The following UACA variants were observed in gnomAD, a reference collection of about 807,000 sequenced individuals.
UACA encodes the protein uveal autoantigen with coiled-coil domains and ankyrin repeats.
In UACA, 112 loss-of-function variants were observed where a neutral mutation model predicts 160.5. That is an observed-to-expected ratio of 0.70 (90% CI 0.60 to 0.82). The LOEUF is 0.82. Among genes scored for constraint, UACA ranks in the 40% least tolerant of loss-of-function variants. The pLI, the probability that UACA is intolerant of heterozygous loss-of-function variation, is 0.00. For missense variants in UACA, 1,574 were observed against 1,614.6 expected, an observed-to-expected ratio of 0.97 and a Z score of 0.43; for synonymous variants, 557 against 568.4, an observed-to-expected ratio of 0.98 and a Z score of 0.29.
At chr15:70,702,991 T>C (rs770765462) in intron 1 of UACA, 3 of 696,286 alleles carry the variant, frequency 4.3e-6, no homozygotes, top group Non-Finnish European at 6.0e-6. Flanking sequence ...ATTCACTGGA[T>C]GAAAAAAAAA....
chr15:70,683,630 A>G (rs571351755), intron 8 of UACA, among the ~76,000 whole-genome samples: 128 of 152,298 alleles, frequency 8.4e-4, no homozygotes, highest in African/African-American at 2.9e-3. Context: ...GGAATCTCAT[A>G]CACCAACAAA....
Position 70,690,173 on chromosome 15 carries a change from A to T in UACA, c.424+281T>A, listed in dbSNP as rs62016914. On this transcript the variant is annotated intron_variant, in intron 5 of 18. Transcript: ENST00000322954. ...CTGTTTCCCTCTCTCTCTCTCTCTC[A>T]CACACACACACACACAGCTTGGAGC... is the stretch of plus-strand genomic sequence containing the variant. Among the ~76,000 whole-genome samples, 19,374 of 146,708 alleles carry T rather than the reference A, an allele frequency of 0.13. 1,387 individuals carry two copies. The highest frequency in any genetic ancestry group is 0.22 in the African/African-American group (8,383 of 38,260).
intron 8 of UACA, among the ~76,000 whole-genome samples, chr15:70,683,051 G>GT (rs1897568582): frequency 6.6e-6 from 1 of 152,024 alleles, no homozygotes; most frequent in African/African-American, 2.4e-5. Flanking sequence ...TTGGAGGCAG[G>GT]TAAAAAATGG....
intron 1 of UACA, among the ~76,000 whole-genome samples, chr15:70,710,499 G>C (rs1898652318): frequency 1.3e-5 from 2 of 152,082 alleles, no homozygotes; most frequent in Admixed American, 1.3e-4. Flanking sequence ...TAGCTACCTG[G>C]AGATAGTGTC....
Position 70,670,155 on chromosome 15 carries a change from T to C in UACA, c.1222-693A>G, listed in dbSNP as rs565317334. The stretch of plus-strand genomic sequence containing the variant: ...GGCTTCCTGATAAGATCTCCGGAGC[T>C]GGGTGAGCAGGCTCAAGCATGCGCA... On this transcript the variant is annotated intron_variant, in intron 15 of 18. Transcript: ENST00000322954. Among the ~76,000 whole-genome samples, 9 of 152,248 alleles carry C rather than the reference T, an allele frequency of 5.9e-5. No individual in the cohort carries two copies. In the East Asian group the frequency reaches 1.5e-3, roughly 26 times the overall value.
chr15:70,672,120 C>T (rs1317231665), intron 13 of UACA, 119 bp from the exon 14 acceptor site: 1 of 791,300 alleles, frequency 1.3e-6, no homozygotes. Flanking sequence ...ATTCTTGTTT[C>T]TCCAGAGCAT....
intron 13 of UACA, among the ~76,000 whole-genome samples, chr15:70,673,916 C>CAG (rs950747952): frequency 5.3e-5 from 8 of 152,188 alleles, no homozygotes; most frequent in African/African-American, 1.9e-4. Flanking sequence ...AGCTGGAGTG[C>CAG]AGAGGCATGA....
intron 13 of UACA, among the ~76,000 whole-genome samples, chr15:70,676,046 C>A (rs956585788): frequency 6.6e-6 from 1 of 152,284 alleles, no homozygotes; most frequent in South Asian, 2.1e-4. Flanking sequence ...TACTTTGGGG[C>A]TGCATTCACC....
At chr15:70,701,465 A>G (rs1415421204) in intron 1 of UACA, among the ~76,000 whole-genome samples, 1 of 152,234 alleles carries the variant, frequency 6.6e-6, no homozygotes, top group East Asian at 1.9e-4. Flanking sequence ...AATTAAAACA[A>G]TCTCCAGTTT....
At chr15:70,670,474 G>A (rs1897098588) in intron 15 of UACA, among the ~76,000 whole-genome samples, 1 of 152,092 alleles carries the variant, frequency 6.6e-6, no homozygotes, top group Non-Finnish European at 1.5e-5. Flanking sequence ...AGTGTACTTT[G>A]CTTCCTTTCG....
At chr15:70,660,311 A>T in intron 17 of UACA, 95 bp from the exon 18 acceptor site, 1 of 1,031,500 alleles carries the variant, frequency 9.7e-7, no homozygotes, top group South Asian at 1.4e-5. Flanking sequence ...AACTATTATT[A>T]TTATTAAGGC....
intron 1 of UACA, among the ~76,000 whole-genome samples, chr15:70,735,842 A>AT (rs1468277831): frequency 6.6e-6 from 1 of 151,958 alleles, no homozygotes; most frequent in Admixed American, 6.6e-5. Context: ...AGCCCAGCTA[A>AT]TTTTTTAATT....
intron 9 of UACA, chr15:70,681,569 T>G (rs542315024): frequency 6.6e-6 from 1 of 152,188 alleles, no homozygotes; most frequent in South Asian, 2.1e-4. Flanking sequence ...ATTTTAAATA[T>G]CTATATATTT....
At chr15:70,740,527 C>T (rs181896938) in intron 1 of UACA, among the ~76,000 whole-genome samples, 1 of 150,306 alleles carries the variant, frequency 6.7e-6, no homozygotes, top group African/African-American at 2.4e-5. Context: ...GTCCCAGCTA[C>T]ACGGGAGGCT....
chr15:70,670,166 G>GCTCAAGC (rs1172134093), intron 15 of UACA, among the ~76,000 whole-genome samples: 3 of 152,150 alleles, frequency 2.0e-5, no homozygotes, highest in Non-Finnish European at 4.4e-5. Context: ...GGGTGAGCAG[G>GCTCAAGC]CTCAAGCATG....
chr15:70,759,610 A>C (rs2030629871), intron 1 of UACA, among the ~76,000 whole-genome samples: 1 of 152,216 alleles, frequency 6.6e-6, no homozygotes, highest in Admixed American at 6.5e-5. Context: ...AGCCGAGATC[A>C]CGTCATTGCA....
intron 1 of UACA, among the ~76,000 whole-genome samples, chr15:70,740,352 A>T (rs1302059387): frequency 1.3e-5 from 2 of 152,038 alleles, no homozygotes; most frequent in African/African-American, 4.8e-5. Context: ...AGTGGCTCAC[A>T]CCTGTAATCC....
chr15:70,712,461 A>C (rs954692517), intron 1 of UACA, among the ~76,000 whole-genome samples: 2 of 151,906 alleles, frequency 1.3e-5, no homozygotes, highest in African/African-American at 4.8e-5. Context: ...GCGGTCAGTA[A>C]TTTTTCTAAA....
At chr15:70,745,994 A>G (rs1231089122) in intron 1 of UACA, among the ~76,000 whole-genome samples, 1 of 152,202 alleles carries the variant, frequency 6.6e-6, no homozygotes, top group Admixed American at 6.5e-5. Flanking sequence ...CAAGATGAAT[A>G]AAAGATTTAA....
Sources: allele counts gnomAD v4.1 joint callset (sites outside exome capture counted in the v4.1 genomes callset), GRCh38; gene constraint gnomAD v4.1.1; transcripts MANE v1.5; gene names NCBI Gene and HGNC (gene_info 2026-07-23, HGNC 2026-07-21).